SPTA1: variants seen among roughly 807,000 people sequenced by gnomAD.
The protein encoded by SPTA1 is spectrin alpha, erythrocytic 1, also known as spectrin alpha chain, erythrocytic 1.
A neutral mutation model predicts 324.7 loss-of-function variants in SPTA1; 177 were observed. That is an observed-to-expected ratio of 0.55 (90% confidence interval 0.48 to 0.62). The LOEUF is 0.62. Among genes scored for constraint, SPTA1 ranks in the 20% least tolerant of loss-of-function variants. The pLI, the probability that SPTA1 is intolerant of heterozygous loss-of-function variation, is 0.00. For synonymous variants in SPTA1, 1,195 were observed against 1,041.3 expected (o/e 1.15, Z -2.84); for missense variants, 3,162 against 2,883.6 (o/e 1.10, Z -2.21).
At chr1:158,672,848 G>T (rs1400483030) in intron 10 of SPTA1, among the ~76,000 whole-genome samples, 1 of 151,906 alleles carries the variant, frequency 6.6e-6, no homozygotes, top group Non-Finnish European at 1.5e-5. Flanking sequence ...TGTAATGCCA[G>T]CACTTTGGGA....
chr1:158,659,595 ATTTTTTTT>A lies in SPTA1; in HGVS notation c.2587+1684_2587+1691del, dbSNP rs1177353050. Among the ~76,000 whole-genome samples the A allele has an allele frequency of 7.3e-5, 5 of 68,780 alleles. 1 individual carries two copies. Among genetic ancestry groups the A allele is most frequent in the Admixed American group, 2.0e-4 (1 of 5,048 alleles). 45.1% of individuals were successfully genotyped at this position (68,780 alleles called of 152,430 possible). ...AAAAGAAAATAATAGTCTTAGCATT[ATTTTTTTT>A]TTTTTTTTTTTTTTTTTTGAGACGG... On this transcript the variant is annotated intron_variant, in intron 18 of 51. Coordinates refer to ENST00000643759, the MANE Select transcript of SPTA1 (RefSeq NM_003126.4).
chr1:158,620,165 G>T lies in SPTA1; in HGVS notation c.6417+5C>A. The stretch of plus-strand genomic sequence containing the variant: ...AAAGGAAGTTTCTGCCGTGTTCCAG[G>T]TTACCTCAATGATGTCAGATAGGTG... On this transcript the variant is annotated splice_donor_5th_base_variant and intron_variant, in intron 44 of 51. Transcript: ENST00000643759. 1.2e-6 allele frequency: 2 copies of T among 1,614,078 alleles called. No individual in the cohort carries two copies. Among genetic ancestry groups the T allele is most frequent in the Non-Finnish European group, 1.7e-6 (2 of 1,180,018 alleles).
In SPTA1 at chr1:158,661,303, G is replaced by C. The variant is rs754041614; in HGVS notation, c.2571C>G (p.Asn857Lys). The C allele has an allele frequency of 1.2e-6, 2 of 1,613,830 alleles. No homozygotes were observed. Among genetic ancestry groups the C allele is most frequent in the Non-Finnish European group, 1.7e-6 (2 of 1,179,856 alleles). The stretch of plus-strand genomic sequence containing the variant: ...CATACATACCTTCCTCTACCATTTT[G>C]TTTCCCCTTTCTGTTATCTCTTGAA... ...PRIQEITERG[N>K]KMVEEGHFAA... Residue 857 changes from asparagine (N) to lysine (K), a missense_variant, in exon 18 of 52, where the codon AAC becomes AAG. Coordinates refer to ENST00000643759, the MANE Select transcript of SPTA1 (RefSeq NM_003126.4).
At chr1:158,679,406 G>C (rs904910067) in intron 5 of SPTA1, among the ~76,000 whole-genome samples, 24 of 152,102 alleles carry the variant, frequency 1.6e-4, no homozygotes, top group African/African-American at 5.3e-4. Flanking sequence ...GATCTTGGAT[G>C]GTCTTTAACT....
Position 158,657,839 on chromosome 1 carries a change from G to C in SPTA1, c.2588-145C>G, listed in dbSNP as rs566341758. 11 of 805,902 alleles carry C rather than the reference G, an allele frequency of 1.4e-5. No individual in the cohort carries two copies. In the South Asian group the frequency reaches 1.7e-4, roughly 12 times the overall value. The allele number at this position is 805,902 out of a possible 1,614,324, so 49.9% of individuals were successfully genotyped here. On this transcript the variant is annotated intron_variant, in intron 18 of 51. Transcript: ENST00000643759. Reference sequence around the variant, plus strand: ...CGTTATATTTTTCTTGAGTTACCTGGGAATTGAAATATCCTAAGTGAGATT... The same window carrying C: ...CGTTATATTTTTCTTGAGTTACCTGCGAATTGAAATATCCTAAGTGAGATT...
chr1:158,619,253 T>C lies in SPTA1; in HGVS notation c.6499A>G (p.Ser2167Gly). The C allele has an allele frequency of 6.2e-7, 1 of 1,614,164 alleles. No individual in the cohort carries two copies. Among genetic ancestry groups the C allele is most frequent in the Non-Finnish European group, 8.5e-7 (1 of 1,180,004 alleles). The change falls in exon 45 of 52, where the codon AGT (serine) becomes GGT (glycine). Residue 2167 changes from serine to glycine, a missense_variant. Physicochemically the swap from Ser to Gly is moderately conservative, Grantham distance 56. Coordinates refer to ENST00000643759, the MANE Select transcript of SPTA1 (RefSeq NM_003126.4). ...EMCQEFEQNA[S>G]TFLQWILETR... ...TCCAGGATCCATTGAAGGAAGGTAC[T>C]GGCATTCTGTTCAAACTCCTGACAC...
At position 158,652,776 on chromosome 1, in the gene SPTA1, G is replaced by A. The variant is rs1368444411; in HGVS notation, c.3189-123C>T. ...AAGGGAAAACAAATCAAAAGCAAAA[G>A]AATAGTAGAAGAGAGGAGGAAATAA... On this transcript the variant is annotated intron_variant, in intron 22 of 51. Coordinates refer to ENST00000643759, the MANE Select transcript of SPTA1 (RefSeq NM_003126.4). 1.9e-5 allele frequency: 22 copies of A among 1,131,784 alleles called. No homozygotes were observed. In the Admixed American group the frequency reaches 4.8e-4, roughly 24 times the overall value. The allele number at this position is 1,131,784 out of a possible 1,614,324, so 70.1% of individuals were successfully genotyped here.
At chr1:158,619,356 A>G (rs1302405641) in intron 44 of SPTA1, 22 bp from the exon 45 acceptor site, 1 of 1,611,516 alleles carries the variant, frequency 6.2e-7, no homozygotes, top group African/African-American at 1.3e-5. Flanking sequence ...AATCACAGAC[A>G]ACGTGACTGA....
intron 29 of SPTA1, 145 bp from the exon 30 acceptor site, chr1:158,644,541 G>T (rs1651852244): frequency 4.2e-6 from 4 of 942,394 alleles, no homozygotes; most frequent in South Asian, 2.8e-5. Context: ...ACAAATCTTA[G>T]CTGTACTGGA....
At chr1:158,679,175 C>A (rs1654615205) in intron 5 of SPTA1, among the ~76,000 whole-genome samples, 1 of 152,096 alleles carries the variant, frequency 6.6e-6, no homozygotes, top group East Asian at 1.9e-4. Context: ...CTGTTTCTCT[C>A]CATTTTCATT....
Position 158,677,819 on chromosome 1 carries a change from G to A in SPTA1, c.828C>T (p.Ala276=). The A allele has an allele frequency of 1.2e-6, 2 of 1,613,582 alleles. No individual in the cohort carries two copies. The highest frequency in any genetic ancestry group is 1.7e-6 in the Non-Finnish European group (2 of 1,179,690). ...LQRFKRDVTE[A]IQWIKEKEPV... The stretch of plus-strand genomic sequence containing the variant: ...GTTCCTTCTCCTTGATCCACTGGAT[G>A]GCTTCAGTCACATCCCTGCAGTCAT... Residue 276 remains alanine (A), a synonymous_variant, in exon 7 of 52, where the codon GCC becomes GCT. Coordinates refer to ENST00000643759, the MANE Select transcript of SPTA1 (RefSeq NM_003126.4).
Position 158,651,567 on chromosome 1 carries a change from C to T in SPTA1, c.3376-99G>A, listed in dbSNP as rs148243043. ...CATACTTACCTGTCCATCTCTGCCC[C>T]TACATCACCGTAATACACACCAAGC... is the stretch of plus-strand genomic sequence containing the variant. On this transcript the variant is annotated intron_variant, in intron 23 of 51. Coordinates refer to ENST00000643759, the MANE Select transcript of SPTA1 (RefSeq NM_003126.4). 875 of 822,540 alleles carry T rather than the reference C, an allele frequency of 1.1e-3. 2 individuals carry two copies. The African/African-American group carries it at 0.011, about 10-fold the overall frequency. The allele number at this position is 822,540 out of a possible 1,614,324, so 51.0% of individuals were successfully genotyped here.
intron 48 of SPTA1, 177 bp downstream of exon 48, chr1:158,615,039 T>C (rs765015557): frequency 7.5e-5 from 53 of 704,212 alleles, no homozygotes; most frequent in Non-Finnish European, 8.6e-5. Context: ...GTCTTTTATT[T>C]CATGATGGAT....
chr1:158,670,031 G>A (rs1276607602), intron 12 of SPTA1, among the ~76,000 whole-genome samples: 1 of 152,194 alleles, frequency 6.6e-6, no homozygotes, highest in Non-Finnish European at 1.5e-5. Flanking sequence ...GTAAATGAAT[G>A]CAGATGTTGC....
intron 27 of SPTA1, among the ~76,000 whole-genome samples, chr1:158,647,126 T>C (rs1652053577): frequency 6.6e-6 from 1 of 152,166 alleles, no homozygotes; most frequent in African/African-American, 2.4e-5. Context: ...ACTGATAAGG[T>C]GTAATAAAAT....
intron 45 of SPTA1, among the ~76,000 whole-genome samples, chr1:158,618,745 G>T (rs552524805): frequency 6.6e-6 from 1 of 152,144 alleles, no homozygotes; most frequent in East Asian, 1.9e-4. Flanking sequence ...TCTGCTTCTG[G>T]TTATGCCAGT....
intron 45 of SPTA1, 93 bp downstream of exon 45, chr1:158,619,129 A>C: frequency 8.3e-7 from 1 of 1,211,740 alleles, no homozygotes; most frequent in Non-Finnish European, 1.2e-6. Flanking sequence ...ACATGCTCTC[A>C]GAGTCTCTCC....
chr1:158,681,467 T>C, intron 4 of SPTA1, 60 bp downstream of exon 4: 1 of 1,612,238 alleles, frequency 6.2e-7, no homozygotes, highest in African/African-American at 1.3e-5. Context: ...TAATTTGCTA[T>C]GGGGTACCTG....
intron 31 of SPTA1, 91 bp downstream of exon 31, chr1:158,643,231 G>T: frequency 6.9e-7 from 1 of 1,453,500 alleles, no homozygotes. Context: ...GAAATGACAG[G>T]AAGCCAGAGT....
Sources: gnomAD v4.1 joint callset for allele counts (sites outside exome capture counted in the v4.1 genomes callset) on GRCh38, gnomAD v4.1.1 for gene constraint, MANE v1.5 for transcripts, NCBI Gene and HGNC (gene_info 2026-07-23, HGNC 2026-07-21) for gene names.